Variants in EXTL3 observed in about 807,000 individuals in gnomAD.
EXTL3 encodes the protein exostosin-like 3.
In EXTL3, 27 loss-of-function variants were observed where a neutral mutation model predicts 69.3. The ratio of observed to expected loss-of-function variants is 0.39; its 90% confidence interval spans 0.29 to 0.54. EXTL3 has a LOEUF of 0.54. Ranked by LOEUF, EXTL3 falls within the 20% of genes least tolerant of loss-of-function variation. EXTL3 has a pLI of 0.69. For missense variants in EXTL3, 1,003 were observed against 1,231.8 expected, an observed-to-expected ratio of 0.81 and a Z score of 2.78; for synonymous variants, 511 against 499.4, an observed-to-expected ratio of 1.02 and a Z score of -0.31.
intron 3 of EXTL3, among the ~76,000 whole-genome samples, chr8:28,725,954 GTTTT>G: frequency 7.5e-6 from 1 of 133,136 alleles, no homozygotes; most frequent in African/African-American, 2.7e-5. Flanking sequence ...ATTTAGAAGT[GTTTT>G]TTTTTTTTTT....
intron 1 of EXTL3, among the ~76,000 whole-genome samples, chr8:28,647,879 T>G: frequency 6.9e-6 from 1 of 144,882 alleles, no homozygotes; most frequent in African/African-American, 2.6e-5. Context: ...GGAAAAGAGG[T>G]CTCAATTAGA....
intron 3 of EXTL3, 138 bp from the exon 4 acceptor site, chr8:28,731,085 G>A (rs1218903708): frequency 1.0e-6 from 1 of 953,264 alleles, no homozygotes; most frequent in African/African-American, 1.6e-5. Context: ...AAAGGCATAT[G>A]CTAGATTTTA....
intron 1 of EXTL3, chr8:28,710,277 A>G (rs1231670159): frequency 3.0e-6 from 1 of 330,608 alleles, no homozygotes; most frequent in African/African-American, 2.2e-5. Context: ...AGAGTCAGCC[A>G]ATCAGGGGGC....
intron 1 of EXTL3, among the ~76,000 whole-genome samples, chr8:28,693,148 ATTTTTTTTTT>A (rs749978399): frequency 7.4e-6 from 1 of 135,280 alleles, no homozygotes; most frequent in Non-Finnish European, 1.6e-5. Flanking sequence ...CAGATAACAG[ATTTTTTTTTT>A]TTTTTTTTTG....
At chr8:28,685,778 CT>C (rs538725444) in intron 1 of EXTL3, 48 of 151,954 alleles carry the variant, frequency 3.2e-4, no homozygotes, top group African/African-American at 8.9e-4. Context: ...CTTTTTCTCT[CT>C]CTCTTCCTTT....
chr8:28,729,797 C>G (rs368335425), intron 3 of EXTL3, among the ~76,000 whole-genome samples: 1 of 150,008 alleles, frequency 6.7e-6, no homozygotes, highest in Non-Finnish European at 1.5e-5. Flanking sequence ...CTCAGGAGTT[C>G]GAGACGCCTG....
rs368981112 is a variant in EXTL3 at position 28,638,465 on chromosome 8, G to C, written c.-53+15655G>C. On this transcript the variant is annotated intron_variant, in intron 1 of 6. Transcript: ENST00000523149. Reference sequence around the variant, plus strand: ...TCAGCCTCCCTCTGCCTGTCTCTTGGTTTGTTTTCCTCTGTTCGCTCCACT... The same window carrying C: ...TCAGCCTCCCTCTGCCTGTCTCTTGCTTTGTTTTCCTCTGTTCGCTCCACT... 1.1e-4 allele frequency among the ~76,000 whole-genome samples: 17 copies of C among 152,220 alleles called. No homozygotes were observed. The South Asian group carries it at 3.3e-3, about 30-fold the overall frequency.
chr8:28,697,098 T>G (rs572305584), upstream of EXTL3: 1 of 152,376 alleles, frequency 6.6e-6, no homozygotes, highest in Non-Finnish European at 1.5e-5. Flanking sequence ...GACTTCTTTT[T>G]ATGTGGTAAC....
chr8:28,684,557 A>G (rs1273921112), intron 1 of EXTL3, among the ~76,000 whole-genome samples: 1 of 152,130 alleles, frequency 6.6e-6, no homozygotes, highest in Admixed American at 6.6e-5. Flanking sequence ...AGCTTGGGCA[A>G]CACAGCAAGA....
chr8:28,626,318 T>G (rs150867028), intron 1 of EXTL3, among the ~76,000 whole-genome samples: 87 of 152,194 alleles, frequency 5.7e-4, no homozygotes, highest in Non-Finnish European at 1.1e-3. Context: ...GGGGAGCCAC[T>G]GGAAACTTTG....
At chr8:28,703,548 G>A (rs930520220) in intron 1 of EXTL3, among the ~76,000 whole-genome samples, 2 of 152,126 alleles carry the variant, frequency 1.3e-5, no homozygotes, top group Non-Finnish European at 2.9e-5. Context: ...GCTGTGGATT[G>A]GAGGGTTATG....
rs1215557467 is a variant in EXTL3 at position 28,750,452 on chromosome 8, C to T, written c.2551-205C>T. ...ATCTGAGAAGCGTAGGCCATCTCAA[C>T]AGAATACCTGACAATGTTCTGGAGA... On this transcript the variant is annotated intron_variant, in intron 6 of 6. Coordinates refer to ENST00000220562, the MANE Select transcript of EXTL3 (RefSeq NM_001440.4). This position sits in a 1 kb window ranked among gnomAD's most constrained non-coding sequence, Gnocchi z 5.2. Among the ~76,000 whole-genome samples the T allele has an allele frequency of 6.6e-6, 1 of 152,232 alleles. No individual in the cohort carries two copies. Among genetic ancestry groups the T allele is most frequent in the Admixed American group, 6.5e-5 (1 of 15,286 alleles).
Position 28,713,341 on chromosome 8 carries a change from A to G in EXTL3, c.-569-116A>G, listed in dbSNP as rs1801070398. ...TTTGGTGACCTCATGTACATAAGAG[A>G]AATCTTTTCATAGGGGACAGTAAAT... is the stretch of plus-strand genomic sequence containing the variant. On this transcript the variant is annotated intron_variant, in intron 1 of 6. Transcript: ENST00000220562. 4 of 584,720 alleles carry G rather than the reference A, an allele frequency of 6.8e-6. No homozygotes were observed. In the Admixed American group the frequency reaches 1.3e-4, roughly 19 times the overall value. 36.2% of individuals were successfully genotyped at this position (584,720 alleles called of 1,614,324 possible).
intron 3 of EXTL3, among the ~76,000 whole-genome samples, chr8:28,723,683 C>G (rs1801347718): frequency 6.9e-6 from 1 of 145,398 alleles, no homozygotes; most frequent in African/African-American, 2.5e-5. Context: ...ACGCTGTTGC[C>G]CAGGCTGGAG....
intron 3 of EXTL3, among the ~76,000 whole-genome samples, chr8:28,724,243 G>T (rs1487700484): frequency 1.3e-5 from 2 of 152,028 alleles, no homozygotes; most frequent in Admixed American, 6.6e-5. Context: ...GCTAACCTAG[G>T]CTTTCTTACC....
intron 1 of EXTL3, among the ~76,000 whole-genome samples, chr8:28,638,929 C>G (rs1362951522): frequency 6.7e-6 from 1 of 149,698 alleles, no homozygotes; most frequent in Non-Finnish European, 1.5e-5. Context: ...CTGAGCCTGG[C>G]TAGGAATAAT....
At chr8:28,723,991 T>C (rs1319671015) in intron 3 of EXTL3, among the ~76,000 whole-genome samples, 2 of 150,932 alleles carry the variant, frequency 1.3e-5, no homozygotes, top group African/African-American at 2.4e-5. Context: ...TTTTTTTTTT[T>C]CCACGTGTAA....
intron 1 of EXTL3, among the ~76,000 whole-genome samples, chr8:28,647,834 C>T (rs1806858240): frequency 1.3e-5 from 2 of 151,506 alleles, no homozygotes; most frequent in African/African-American, 2.4e-5. Context: ...TTCTTTGAAT[C>T]AATCAGGAAT....
chr8:28,612,189 C>A (rs1389528659), intron 2 of EXTL3, among the ~76,000 whole-genome samples: 1 of 152,220 alleles, frequency 6.6e-6, no homozygotes, highest in Non-Finnish European at 1.5e-5. Flanking sequence ...CATGGTGGCT[C>A]ACGCCTGTAA....
Sources: allele counts gnomAD v4.1 joint callset (sites outside exome capture counted in the v4.1 genomes callset), GRCh38; gene constraint gnomAD v4.1.1; non-coding constraint Gnocchi (gnomAD v3.1); transcripts MANE v1.5; gene names NCBI Gene and HGNC (gene_info 2026-07-23, HGNC 2026-07-21).